Variants in OLFM3 observed in about 807,000 individuals in gnomAD.
OLFM3 encodes the protein noelin-3.
OLFM3 carries 20 observed loss-of-function variants against 48.6 expected under a neutral mutation model. The observed-to-expected ratio is 0.41, with a 90% CI of 0.29 to 0.60. The LOEUF is 0.60. OLFM3 is among the 20% of genes least tolerant of loss of function. OLFM3 has a pLI of 0.28. For synonymous variants in OLFM3, 222 were observed against 198.1 expected, an observed-to-expected ratio of 1.12 and a Z score of -1.01; for missense variants, 437 against 544.3, an observed-to-expected ratio of 0.80 and a Z score of 1.96.
intron 1 of OLFM3, among the ~76,000 whole-genome samples, chr1:101,992,719 T>G (rs1661448245): frequency 6.6e-6 from 1 of 152,122 alleles, no homozygotes; most frequent in Non-Finnish European, 1.5e-5. Flanking sequence ...CTTAGGCAGT[T>G]TAAGTCTGAT....
chr1:101,996,823 C>G lies in OLFM3; in HGVS notation c.-7G>C. ...GGTTGGACGTCGCCTGCATTCTGATCTGGGTTTTTGCCCCTCTTTACTCTC... is the reference window on the plus strand; with the variant it reads ...GGTTGGACGTCGCCTGCATTCTGATGTGGGTTTTTGCCCCTCTTTACTCTC... On this transcript the variant is annotated 5_prime_UTR_variant, in exon 1 of 6. Transcript: ENST00000370103. 1 of 1,614,228 alleles carries G rather than the reference C, an allele frequency of 6.2e-7. No homozygotes were observed. The highest frequency in any genetic ancestry group is 8.5e-7 in the Non-Finnish European group (1 of 1,180,026).
At chr1:101,815,670 G>T (rs190046753) in intron 4 of OLFM3, among the ~76,000 whole-genome samples, 1 of 152,268 alleles carries the variant, frequency 6.6e-6, no homozygotes, top group Non-Finnish European at 1.5e-5. Context: ...TAGACAGATT[G>T]TAGTGTCATT....
At position 101,984,543 on chromosome 1, in the gene OLFM3, G is replaced by A. The variant is rs756616069; in HGVS notation, c.69+12205C>T. Among the ~76,000 whole-genome samples, 11 of 152,210 alleles carry A rather than the reference G, an allele frequency of 7.2e-5. No individual in the cohort carries two copies. In the South Asian group the frequency reaches 1.2e-3, roughly 17 times the overall value. On this transcript the variant is annotated intron_variant, in intron 1 of 5. Coordinates refer to ENST00000370103, the MANE Select transcript of OLFM3 (RefSeq NM_058170.4). The stretch of plus-strand genomic sequence containing the variant: ...ATCCCAAGTAGCTGGAACTACAGGC[G>A]TCTGCCGCCATGCCCAGCTAATTTT...
At chr1:101,929,467 C>G (rs933533183) in intron 1 of OLFM3, among the ~76,000 whole-genome samples, 1 of 151,982 alleles carries the variant, frequency 6.6e-6, no homozygotes, top group Admixed American at 6.6e-5. Context: ...ACCTTTATTT[C>G]CTTTCTCCCC....
intron 1 of OLFM3, among the ~76,000 whole-genome samples, chr1:101,987,324 A>G (rs1051327711): frequency 6.6e-6 from 1 of 152,180 alleles, no homozygotes; most frequent in African/African-American, 2.4e-5. Flanking sequence ...GTACTTTAAG[A>G]TCAATCAAAT....
chr1:101,977,849 G>A (rs560912422), intron 1 of OLFM3, among the ~76,000 whole-genome samples: 1 of 152,088 alleles, frequency 6.6e-6, no homozygotes, highest in South Asian at 2.1e-4. Context: ...AAATTAACCT[G>A]AAAACATTAA....
chr1:101,948,614 T>C (rs6577291), intron 1 of OLFM3, among the ~76,000 whole-genome samples: 71,788 of 151,752 alleles, frequency 0.47, 17,389 homozygotes, highest in East Asian at 0.65. Context: ...ATTTCACTTT[T>C]GTTTTCTAAA....
At chr1:101,917,709 G>T (rs553606191) in intron 1 of OLFM3, among the ~76,000 whole-genome samples, 5 of 152,116 alleles carry the variant, frequency 3.3e-5, no homozygotes, top group Admixed American at 6.6e-5. Context: ...GAGCCACAAC[G>T]TCCAGCCCAT....
At position 101,962,813 on chromosome 1, in the gene OLFM3, C is replaced by CCTTA. The variant is rs537569599; in HGVS notation, c.69+33931_69+33934dup. On this transcript the variant is annotated intron_variant, in intron 1 of 5. Coordinates refer to ENST00000370103, the MANE Select transcript of OLFM3 (RefSeq NM_058170.4). The stretch of plus-strand genomic sequence containing the variant: ...TTTCAACCTGTTTGTCTCTGCTTTT[C>CCTTA]CTTAATAGTTAACTCACTGCCAAAG... Among the ~76,000 whole-genome samples the CCTTA allele has an allele frequency of 1.7e-4, 26 of 152,244 alleles. 1 individual carries two copies. In the East Asian group the frequency reaches 4.8e-3, roughly 28 times the overall value.
At position 101,836,913 on chromosome 1, in the gene OLFM3, G is replaced by C. The variant is rs1465567669; in HGVS notation, c.182C>G (p.Ala61Gly). The C allele has an allele frequency of 1.1e-5, 17 of 1,613,946 alleles. No individual in the cohort carries two copies. Among genetic ancestry groups the C allele is most frequent in the Non-Finnish European group, 1.4e-5 (17 of 1,180,004 alleles). The change falls in exon 2 of 6, where the codon GCC becomes GGC. Residue 61 changes from alanine (A) to glycine (G), a missense_variant. Transcript: ENST00000370103. ...TAGTTGGCGAAGTTGCCTGCTTTTG[G>C]CATCCCGGGAACACAGGTTTTGTTC... ...APEQNLCSRD[A>G]KSRQLRQLLE...
At chr1:101,950,579 C>T (rs571267476) in intron 1 of OLFM3, among the ~76,000 whole-genome samples, 1 of 152,006 alleles carries the variant, frequency 6.6e-6, no homozygotes, top group East Asian at 1.9e-4. Context: ...GCTGGGACTA[C>T]AAGCGCCTGC....
chr1:101,968,207 G>C (rs1030451137), intron 1 of OLFM3, among the ~76,000 whole-genome samples: 3 of 152,136 alleles, frequency 2.0e-5, no homozygotes, highest in Non-Finnish European at 4.4e-5. Flanking sequence ...CTAATCCTAT[G>C]AGTTCATAGC....
chr1:101,813,302 AC>A (rs1206869635), intron 4 of OLFM3, among the ~76,000 whole-genome samples: 7 of 152,158 alleles, frequency 4.6e-5, no homozygotes, highest in African/African-American at 1.7e-4. Flanking sequence ...TTCCGTTAAG[AC>A]AGTCTTCTTA....
At chr1:101,942,996 G>A (rs1473183461) in intron 1 of OLFM3, among the ~76,000 whole-genome samples, 1 of 152,104 alleles carries the variant, frequency 6.6e-6, no homozygotes, top group Non-Finnish European at 1.5e-5. Flanking sequence ...ATGCATACAG[G>A]ACTAACAAAA....
chr1:101,977,891 G>A (rs1478325712), intron 1 of OLFM3, among the ~76,000 whole-genome samples: 1 of 152,048 alleles, frequency 6.6e-6, no homozygotes, highest in Non-Finnish European at 1.5e-5. Context: ...AACAGGTAGA[G>A]AGTTTATGAA....
At chr1:101,807,625 G>T (rs769859346) in intron 4 of OLFM3, among the ~76,000 whole-genome samples, 1 of 151,654 alleles carries the variant, frequency 6.6e-6, no homozygotes, top group Non-Finnish European at 1.5e-5. Flanking sequence ...GATGATGAAT[G>T]GTAACATTAT....
At chr1:101,971,099 T>C (rs1660792129) in intron 1 of OLFM3, among the ~76,000 whole-genome samples, 1 of 152,172 alleles carries the variant, frequency 6.6e-6, no homozygotes, top group African/African-American at 2.4e-5. Context: ...TTTTTAACCA[T>C]TGTTGGAAAG....
chr1:101,872,713 A>G (rs1318111810), intron 1 of OLFM3, among the ~76,000 whole-genome samples: 1 of 151,944 alleles, frequency 6.6e-6, no homozygotes, highest in East Asian at 1.9e-4. Context: ...AACGAACAAG[A>G]CAACATGAAA....
intron 1 of OLFM3, among the ~76,000 whole-genome samples, chr1:101,964,449 A>G (rs766709219): frequency 5.3e-5 from 8 of 152,200 alleles, no homozygotes; most frequent in Non-Finnish European, 7.4e-5. Context: ...TTGCAAATTT[A>G]TAAGAGACAG....
Sources: allele counts gnomAD v4.1 joint callset (sites outside exome capture counted in the v4.1 genomes callset), GRCh38; gene constraint gnomAD v4.1.1; transcripts MANE v1.5; gene names NCBI Gene and HGNC (gene_info 2026-07-23, HGNC 2026-07-21).